The following AUTS2 variants were observed in gnomAD, a reference collection of about 807,000 sequenced individuals.
The protein encoded by AUTS2 is autism susceptibility gene 2 protein.
In AUTS2, 17 loss-of-function variants were observed where a neutral mutation model predicts 112.4. That is an observed-to-expected ratio of 0.15 (90% CI 0.10 to 0.23). The LOEUF (loss-of-function observed/expected upper bound fraction) is 0.23, where lower values mean the gene tolerates loss of function less well. Among genes scored for constraint, AUTS2 ranks in the 10% least tolerant of loss-of-function variants. The pLI is 1.00. For missense variants in AUTS2, 1,510 were observed against 1,701.6 expected, an observed-to-expected ratio of 0.89 and a Z score of 1.98; for synonymous variants, 751 against 702.7, an observed-to-expected ratio of 1.07 and a Z score of -1.09.
Position 69,989,174 on chromosome 7 carries a change from ACT to A in AUTS2, c.522+89679_522+89680del, listed in dbSNP as rs1798637395. ...AGATAGTCAAGACTTGAATTTGGTA[ACT>A]CTTGTAATTCTTGGTATTGTGTATG... On this transcript the variant is annotated intron_variant, in intron 2 of 18. Coordinates refer to ENST00000342771, the MANE Select transcript of AUTS2 (RefSeq NM_015570.4). Among the ~76,000 whole-genome samples the A allele has an allele frequency of 2.0e-5, 3 of 152,096 alleles. No individual in the cohort carries two copies. In the East Asian group the frequency reaches 5.8e-4, roughly 29 times the overall value.
At chr7:70,068,870 A>G (rs1002354915) in intron 2 of AUTS2, among the ~76,000 whole-genome samples, 3 of 152,208 alleles carry the variant, frequency 2.0e-5, no homozygotes, top group Non-Finnish European at 2.9e-5. Context: ...TGCACTTTTT[A>G]TATAAGTATG....
intron 2 of AUTS2, among the ~76,000 whole-genome samples, chr7:70,046,584 G>C (rs928785301): frequency 1.3e-5 from 2 of 152,158 alleles, no homozygotes; most frequent in Non-Finnish European, 2.9e-5. Context: ...ACAACTGGCA[G>C]TAATTAAAAA....
At chr7:69,925,210 T>G (rs1795962127) in intron 2 of AUTS2, among the ~76,000 whole-genome samples, 1 of 152,198 alleles carries the variant, frequency 6.6e-6, no homozygotes, top group South Asian at 2.1e-4. Flanking sequence ...ATTGATCTTC[T>G]TGAAGAACAA....
intron 4 of AUTS2, among the ~76,000 whole-genome samples, chr7:70,152,116 C>T (rs1358338720): frequency 6.6e-6 from 1 of 151,980 alleles, no homozygotes; most frequent in African/African-American, 2.4e-5. Flanking sequence ...GAATTCATAG[C>T]AACAGAAACT....
intron 4 of AUTS2, among the ~76,000 whole-genome samples, chr7:70,385,411 G>A (rs556170996): frequency 8.6e-5 from 13 of 152,022 alleles, no homozygotes; most frequent in Non-Finnish European, 1.3e-4. Flanking sequence ...ATTACAACTG[G>A]GTGGCAATAA....
chr7:70,034,022 T>C (rs145352825), intron 2 of AUTS2, among the ~76,000 whole-genome samples: 14 of 152,332 alleles, frequency 9.2e-5, no homozygotes, highest in African/African-American at 3.4e-4. Flanking sequence ...CTAATTATCC[T>C]GATTTGATCA....
intron 4 of AUTS2, among the ~76,000 whole-genome samples, chr7:70,171,979 C>A (rs1222221119): frequency 2.6e-5 from 4 of 151,814 alleles, no homozygotes; most frequent in Non-Finnish European, 5.9e-5. Flanking sequence ...TTTCTTTCTG[C>A]ATTTCTGGGG....
In AUTS2 at chr7:70,759,025, A is replaced by G. The variant is rs984402479; in HGVS notation, c.743-3845A>G. ...GTTTATAGGTTGCAGTACCAGAGCA[A>G]CGATGGACTGATTGCTTTCAGGGCT... On this transcript the variant is annotated intron_variant, in intron 6 of 18. Coordinates refer to ENST00000342771, the MANE Select transcript of AUTS2 (RefSeq NM_015570.4). Among the ~76,000 whole-genome samples the G allele has an allele frequency of 3.9e-5, 6 of 152,236 alleles. No homozygotes were observed. The South Asian group carries it at 1.2e-3, about 32-fold the overall frequency.
At chr7:70,462,467 CTA>C (rs1391436271) in intron 5 of AUTS2, among the ~76,000 whole-genome samples, 4 of 152,046 alleles carry the variant, frequency 2.6e-5, no homozygotes, top group Non-Finnish European at 5.9e-5. Context: ...CCACTTTTCT[CTA>C]TGTTTGAAAA....
At chr7:70,449,367 G>C (rs1215460227) in intron 5 of AUTS2, among the ~76,000 whole-genome samples, 1 of 152,206 alleles carries the variant, frequency 6.6e-6, no homozygotes, top group Non-Finnish European at 1.5e-5. Context: ...GCTGAGATTA[G>C]CTCAGGAAAG....
chr7:69,819,915 A>C (rs142864612), intron 1 of AUTS2, among the ~76,000 whole-genome samples: 1 of 152,314 alleles, frequency 6.6e-6, no homozygotes, highest in Non-Finnish European at 1.5e-5. Flanking sequence ...AAGCTTTATT[A>C]TAACTCAACT....
At chr7:70,253,551 T>A (rs1786710498) in intron 4 of AUTS2, among the ~76,000 whole-genome samples, 1 of 152,210 alleles carries the variant, frequency 6.6e-6, no homozygotes, top group Non-Finnish European at 1.5e-5. Flanking sequence ...TTGTTTTTCC[T>A]GGAATTTTTA....
At chr7:70,168,810 T>G (rs540076925) in intron 4 of AUTS2, among the ~76,000 whole-genome samples, 2 of 152,332 alleles carry the variant, frequency 1.3e-5, no homozygotes, top group South Asian at 4.1e-4. Context: ...TGTGTGCTGG[T>G]GAGAGGACTT....
At chr7:69,601,445 A>G (rs1305032286) in intron 1 of AUTS2, among the ~76,000 whole-genome samples, 1 of 152,068 alleles carries the variant, frequency 6.6e-6, no homozygotes, top group Non-Finnish European at 1.5e-5. Context: ...TATTTTTTTC[A>G]AAGGAAGGCT....
intron 5 of AUTS2, among the ~76,000 whole-genome samples, chr7:70,619,367 G>A (rs1238910141): frequency 1.3e-5 from 2 of 152,100 alleles, no homozygotes; most frequent in African/African-American, 4.8e-5. Flanking sequence ...CCTGCCTCCT[G>A]CGTGCAGCCG....
At chr7:70,066,730 G>T (rs1802514229) in intron 2 of AUTS2, among the ~76,000 whole-genome samples, 1 of 152,070 alleles carries the variant, frequency 6.6e-6, no homozygotes, top group Non-Finnish European at 1.5e-5. Context: ...AGTAGAGACA[G>T]GGTTTCACTA....
chr7:70,377,968 C>T (rs918969066), intron 4 of AUTS2, among the ~76,000 whole-genome samples: 6 of 151,070 alleles, frequency 4.0e-5, no homozygotes, highest in East Asian at 2.0e-4. Context: ...TTAGTAGAGA[C>T]GGGGTTTCAC....
At chr7:70,106,647 G>C (rs548829740) in intron 2 of AUTS2, among the ~76,000 whole-genome samples, 2 of 152,296 alleles carry the variant, frequency 1.3e-5, no homozygotes, top group South Asian at 4.2e-4. Context: ...TTTAGCCCAG[G>C]AGTTCAAGGC....
intron 1 of AUTS2, among the ~76,000 whole-genome samples, chr7:69,756,345 A>G (rs1173183379): frequency 6.6e-6 from 1 of 152,226 alleles, no homozygotes; most frequent in Non-Finnish European, 1.5e-5. Context: ...TGTTTTAGGA[A>G]TGCTAAGCCC....
Sources: gnomAD v4.1 joint callset for allele counts (sites outside exome capture counted in the v4.1 genomes callset) on GRCh38, gnomAD v4.1.1 for gene constraint, MANE v1.5 for transcripts, NCBI Gene and HGNC (gene_info 2026-07-23, HGNC 2026-07-21) for gene names.